TRPC4AP: variants seen among roughly 807,000 people sequenced by gnomAD.
The protein encoded by TRPC4AP is short transient receptor potential channel 4-associated protein.
Under a neutral mutation model 99.0 loss-of-function variants are expected in TRPC4AP, and 45 were observed. The ratio of observed to expected loss-of-function variants is 0.45; its 90% CI spans 0.36 to 0.58. The LOEUF (loss-of-function observed/expected upper bound fraction) is 0.58, where lower values mean the gene tolerates loss of function less well. Among genes scored for constraint, TRPC4AP ranks in the 20% least tolerant of loss-of-function variants. The pLI is 0.00. For synonymous variants in TRPC4AP, 408 were observed against 385.8 expected, an observed-to-expected ratio of 1.06 and a Z score of -0.67; for missense variants, 879 against 985.3, an observed-to-expected ratio of 0.89 and a Z score of 1.44.
At chr20:35,054,473 C>A (rs75404979) in intron 5 of TRPC4AP, among the ~76,000 whole-genome samples, 1 of 152,228 alleles carries the variant, frequency 6.6e-6, no homozygotes, top group East Asian at 1.9e-4. Flanking sequence ...AGGGCCAGAA[C>A]ACAAAATCAG....
At chr20:35,019,837 C>CGGAG (rs1434410469) in intron 9 of TRPC4AP, among the ~76,000 whole-genome samples, 1 of 152,136 alleles carries the variant, frequency 6.6e-6, no homozygotes, top group African/African-American at 2.4e-5. Context: ...ATGCTGAGGA[C>CGGAG]TCCCAAAGTG....
At chr20:35,059,755 G>T (rs1367757826) in intron 3 of TRPC4AP, among the ~76,000 whole-genome samples, 1 of 146,938 alleles carries the variant, frequency 6.8e-6, no homozygotes, top group African/African-American at 2.6e-5. Flanking sequence ...AGAAGAAGAA[G>T]ACGAAGAAGA....
chr20:35,022,364 C>T (rs944506788), intron 8 of TRPC4AP, among the ~76,000 whole-genome samples: 3 of 152,174 alleles, frequency 2.0e-5, no homozygotes, highest in Non-Finnish European at 4.4e-5. Flanking sequence ...CCATGTTGGC[C>T]GGGCTGGTCT....
Position 35,016,012 on chromosome 20 carries a change from C to A in TRPC4AP, c.1346G>T (p.Ser449Ile), listed in dbSNP as rs1423934455. 1 of 1,614,148 alleles carries A rather than the reference C, an allele frequency of 6.2e-7. No individual in the cohort carries two copies. The highest frequency in any genetic ancestry group is 8.5e-7 in the Non-Finnish European group (1 of 1,180,012). The stretch of plus-strand genomic sequence containing the variant: ...CCCCGGGGGTCTCCTGCTTACCGGG[C>A]TACAGTCACAGTTCTGGTTGTGACC... ...LHGHNQNCDCSPDITLKIQFL... is the reference protein window; with the variant it reads ...LHGHNQNCDCIPDITLKIQFL... Residue 449 changes from serine to isoleucine, a missense_variant, in exon 10 of 19, where the codon AGC (serine) becomes ATC (isoleucine). Ser to Ile is a moderately radical substitution (Grantham distance 142). Transcript: ENST00000252015.
intron 7 of TRPC4AP, among the ~76,000 whole-genome samples, chr20:35,040,137 C>T (rs1406735541): frequency 1.3e-5 from 2 of 151,830 alleles, no homozygotes; most frequent in Non-Finnish European, 2.9e-5. Context: ...AATATGACTG[C>T]GTTTTGAAAC....
At chr20:35,060,359 G>A (rs924046638) in intron 3 of TRPC4AP, among the ~76,000 whole-genome samples, 1 of 152,096 alleles carries the variant, frequency 6.6e-6, no homozygotes, top group Non-Finnish European at 1.5e-5. Context: ...CGTCAAGGCA[G>A]GAGGACTACT....
intron 4 of TRPC4AP, 41 bp downstream of exon 4, chr20:35,057,473 A>G: frequency 6.5e-7 from 1 of 1,548,072 alleles, no homozygotes; most frequent in African/African-American, 1.4e-5. Flanking sequence ...CCGTATCGGC[A>G]GGTTGGAAAA....
At chr20:35,007,290 G>A (rs2082535606) in intron 14 of TRPC4AP, among the ~76,000 whole-genome samples, 1 of 152,080 alleles carries the variant, frequency 6.6e-6, no homozygotes, top group African/African-American at 2.4e-5. Context: ...ATATCTTCAG[G>A]GTCAAAATGC....
Position 35,084,531 on chromosome 20 carries a change from T to C in TRPC4AP, c.169-6357A>G, listed in dbSNP as rs992599292. ...ATATACGTATATATGTGTATATATGTATATATGTATATGTATATATGTTTA... is the reference window on the plus strand; with the variant it reads ...ATATACGTATATATGTGTATATATGCATATATGTATATGTATATATGTTTA... On this transcript the variant is annotated intron_variant, in intron 1 of 18. Coordinates refer to ENST00000252015, the MANE Select transcript of TRPC4AP (RefSeq NM_015638.3). Among the ~76,000 whole-genome samples, 23 of 147,950 alleles carry C rather than the reference T, an allele frequency of 1.6e-4. No individual in the cohort carries two copies. In the East Asian group the frequency reaches 1.6e-3, roughly 10 times the overall value.
chr20:35,087,009 G>A lies in TRPC4AP; in HGVS notation c.168+5605C>T, dbSNP rs917061068. 2.0e-5 allele frequency among the ~76,000 whole-genome samples: 3 copies of A among 151,016 alleles called. No homozygotes were observed. In the East Asian group the frequency reaches 5.9e-4, roughly 29 times the overall value. ...GACTGTGCACTGCACTCCAGCCTGGGCAACAGCACGAGACTCCATCTCACA... is the reference window on the plus strand; with the variant it reads ...GACTGTGCACTGCACTCCAGCCTGGACAACAGCACGAGACTCCATCTCACA... On this transcript the variant is annotated intron_variant, in intron 1 of 18. Transcript: ENST00000252015.
intron 5 of TRPC4AP, among the ~76,000 whole-genome samples, chr20:35,054,189 G>GTTT (rs11430339): frequency 6.8e-6 from 1 of 146,814 alleles, no homozygotes. Flanking sequence ...GGAGCTAAAT[G>GTTT]TTTTTTTTTT....
intron 1 of TRPC4AP, among the ~76,000 whole-genome samples, chr20:35,088,739 C>T (rs2084956634): frequency 1.3e-5 from 2 of 152,134 alleles, no homozygotes; most frequent in Non-Finnish European, 1.5e-5. Context: ...GTCCACCTTA[C>T]TTTAAAATCT....
intron 9 of TRPC4AP, 100 bp from the exon 10 acceptor site, chr20:35,016,239 T>C (rs3736802): frequency 0.53 from 754,735 of 1,419,654 alleles, 203,507 homozygotes; most frequent in Admixed American, 0.73. Context: ...TCAGGACAAG[T>C]ATCAGTACTG....
chr20:35,068,893 T>A (rs1216957167), intron 3 of TRPC4AP, among the ~76,000 whole-genome samples: 1 of 149,534 alleles, frequency 6.7e-6, no homozygotes, highest in Non-Finnish European at 1.5e-5. Context: ...GTATATGGTA[T>A]ATCACTCTAT....
intron 6 of TRPC4AP, among the ~76,000 whole-genome samples, chr20:35,047,761 C>T (rs758500941): frequency 3.3e-5 from 5 of 152,130 alleles, no homozygotes; most frequent in African/African-American, 7.2e-5. Context: ...CTGGTAGACC[C>T]GATGGACTGA....
intron 3 of TRPC4AP, among the ~76,000 whole-genome samples, chr20:35,060,928 A>C (rs909525295): frequency 6.6e-6 from 1 of 152,218 alleles, no homozygotes; most frequent in Non-Finnish European, 1.5e-5. Context: ...AAGATGAGGA[A>C]AAAGACAAAG....
chr20:35,075,601 C>T (rs1200007348), intron 2 of TRPC4AP, among the ~76,000 whole-genome samples: 1 of 152,218 alleles, frequency 6.6e-6, no homozygotes, highest in Non-Finnish European at 1.5e-5. Context: ...TCTCTTCTGG[C>T]TTGTAGAGTT....
intron 1 of TRPC4AP, 73 bp downstream of exon 1, chr20:35,092,541 G>A (rs1446896168): frequency 8.5e-6 from 12 of 1,405,514 alleles, no homozygotes; most frequent in Admixed American, 3.2e-5. Flanking sequence ...GGCCTGGAAA[G>A]GCCTCTTCCC....
chr20:35,070,471 C>T (rs2084277776), intron 2 of TRPC4AP, among the ~76,000 whole-genome samples: 1 of 151,600 alleles, frequency 6.6e-6, no homozygotes, highest in South Asian at 2.1e-4. Context: ...AGTGCAGTGG[C>T]GCGATCTCGG....
Sources: gnomAD v4.1 joint callset for allele counts (sites outside exome capture counted in the v4.1 genomes callset) on GRCh38, gnomAD v4.1.1 for gene constraint, MANE v1.5 for transcripts, NCBI Gene and HGNC (gene_info 2026-07-23, HGNC 2026-07-21) for gene names.